Variants in GRIA2 observed in about 807,000 individuals in gnomAD.
The protein encoded by GRIA2 is glutamate receptor 2.
A neutral mutation model predicts 97.3 loss-of-function variants in GRIA2; 14 were observed. The ratio of observed to expected loss-of-function variants is 0.14; its 90% CI spans 0.10 to 0.23. GRIA2 has a LOEUF of 0.23. Among genes scored for constraint, GRIA2 ranks in the 10% least tolerant of loss-of-function variants. The probability of loss-of-function intolerance (pLI) is 1.00; values close to 1 mark genes in which losing one functional copy is unlikely to be tolerated. For synonymous variants in GRIA2, 412 were observed against 387.8 expected (o/e 1.06, Z -0.73); for missense variants, 558 against 1,069.8 (o/e 0.52, Z 6.67).
chr4:157,311,522 A>G (rs1450723081), intron 3 of GRIA2, among the ~76,000 whole-genome samples: 2 of 152,018 alleles, frequency 1.3e-5, no homozygotes, highest in African/African-American at 4.8e-5. Flanking sequence ...CTTTTTTGAA[A>G]TAGTTTTCAA....
At chr4:157,322,673 T>A (rs1412479906) in intron 6 of GRIA2, among the ~76,000 whole-genome samples, 1 of 152,164 alleles carries the variant, frequency 6.6e-6, no homozygotes, top group Non-Finnish European at 1.5e-5. Flanking sequence ...GGGTTGAAAG[T>A]TAAGATGATG....
intron 2 of GRIA2, among the ~76,000 whole-genome samples, chr4:157,245,308 A>G (rs780076736): frequency 4.6e-4 from 70 of 152,006 alleles, no homozygotes; most frequent in Non-Finnish European, 8.4e-4. Context: ...ATCTTTGTCT[A>G]TGGAATGAAC....
chr4:157,302,128 G>A (rs191323911), intron 2 of GRIA2, among the ~76,000 whole-genome samples: 9 of 147,682 alleles, frequency 6.1e-5, no homozygotes, highest in Admixed American at 4.8e-4. Context: ...AGGTGAGATC[G>A]CACCACTGCA....
At position 157,266,747 on chromosome 4, in the gene GRIA2, C is replaced by T. The variant is rs77108157; in HGVS notation, c.230-36805C>T. Among the ~76,000 whole-genome samples the T allele has an allele frequency of 4.8e-3, 727 of 151,914 alleles. 3 individuals are homozygous for T. Among genetic ancestry groups the T allele is most frequent in the African/African-American group, 0.016 (683 of 41,428 alleles). ...AGGTTGTTCTATCTTTTGAGAGACT[C>T]GAACAAGAGAAGGAATCAGTTAAAA... On this transcript the variant is annotated intron_variant, in intron 2 of 15. Coordinates refer to ENST00000264426, the MANE Select transcript of GRIA2 (RefSeq NM_001083619.3).
intron 2 of GRIA2, among the ~76,000 whole-genome samples, chr4:157,289,682 A>C (rs1733007142): frequency 6.6e-6 from 1 of 151,866 alleles, no homozygotes; most frequent in African/African-American, 2.4e-5. Flanking sequence ...CAATTAATAA[A>C]GTTTCTTGAT....
intron 2 of GRIA2, among the ~76,000 whole-genome samples, chr4:157,264,087 A>G (rs1176309665): frequency 6.6e-6 from 1 of 152,134 alleles, no homozygotes; most frequent in Non-Finnish European, 1.5e-5. Flanking sequence ...CCACTTCTGC[A>G]GATGTATCAT....
intron 2 of GRIA2, among the ~76,000 whole-genome samples, chr4:157,225,023 G>C (rs973673488): frequency 2.6e-5 from 4 of 151,962 alleles, no homozygotes; most frequent in Admixed American, 1.3e-4. Context: ...AACTTCAAAA[G>C]GGAAAATTTA....
At chr4:157,269,467 AC>A (rs1375554915) in intron 2 of GRIA2, among the ~76,000 whole-genome samples, 1 of 152,064 alleles carries the variant, frequency 6.6e-6, no homozygotes, top group Non-Finnish European at 1.5e-5. Flanking sequence ...AAATTAGTAA[AC>A]GTACCTCTGA....
In GRIA2 at chr4:157,221,614, T is replaced by C; in HGVS notation, c.89-53T>C. On this transcript the variant is annotated intron_variant, in intron 1 of 15. Coordinates refer to ENST00000264426, the MANE Select transcript of GRIA2 (RefSeq NM_001083619.3). ...TTGGGCGCTAGCGCGCGCCCCTCCT[T>C]TCCCTCCCGGGGCACTGACACTGTT... 2.5e-6 allele frequency: 4 copies of C among 1,586,162 alleles called. No homozygotes were observed. In the Admixed American group the frequency reaches 5.3e-5, roughly 21 times the overall value.
Position 157,225,591 on chromosome 4 carries a change from A to T in GRIA2, c.229+3784A>T, listed in dbSNP as rs142053424. ...TTAGTGAGTGCCTTCAAGGTGTCAG[A>T]GAATAAATGACTGCTTTTTTTCATG... is the stretch of plus-strand genomic sequence containing the variant. On this transcript the variant is annotated intron_variant, in intron 2 of 15. Coordinates refer to ENST00000264426, the MANE Select transcript of GRIA2 (RefSeq NM_001083619.3). Among the ~76,000 whole-genome samples, 836 of 151,418 alleles carry T rather than the reference A, an allele frequency of 5.5e-3. 28 individuals are homozygous for T. The highest frequency in any genetic ancestry group is 0.051 in the Admixed American group (780 of 15,168).
At chr4:157,319,887 T>A (rs1734484509) in intron 5 of GRIA2, among the ~76,000 whole-genome samples, 1 of 152,032 alleles carries the variant, frequency 6.6e-6, no homozygotes, top group Non-Finnish European at 1.5e-5. Flanking sequence ...GATGAAGAAG[T>A]GGTCATAAGG....
intron 2 of GRIA2, among the ~76,000 whole-genome samples, chr4:157,236,395 TTTC>T (rs2126705654): frequency 6.6e-6 from 1 of 152,258 alleles, no homozygotes; most frequent in East Asian, 1.9e-4. Context: ...TCTTGATTGT[TTTC>T]TTCTTAACAT....
chr4:157,316,557 C>T (rs1320198226), intron 4 of GRIA2, among the ~76,000 whole-genome samples: 1 of 151,932 alleles, frequency 6.6e-6, no homozygotes, highest in Non-Finnish European at 1.5e-5. Context: ...AGTGGTGGAG[C>T]TTTCCAAGCA....
chr4:157,274,398 G>T (rs1732181757), intron 2 of GRIA2, among the ~76,000 whole-genome samples: 1 of 149,236 alleles, frequency 6.7e-6, no homozygotes, highest in Non-Finnish European at 1.5e-5. Context: ...TTAAGTTTTA[G>T]GGTACATGTG....
chr4:157,248,938 A>G (rs1293927192), intron 2 of GRIA2, among the ~76,000 whole-genome samples: 2 of 151,658 alleles, frequency 1.3e-5, no homozygotes, highest in African/African-American at 4.8e-5. Flanking sequence ...CCTGGAATCA[A>G]GCAATCCTCT....
intron 2 of GRIA2, among the ~76,000 whole-genome samples, chr4:157,301,824 A>C (rs1294416852): frequency 1.3e-5 from 2 of 152,178 alleles, no homozygotes; most frequent in African/African-American, 4.8e-5. Context: ...ACTGGTTTCC[A>C]GTTTTTGGAT....
rs201108786 is a variant in GRIA2, at chr4:157,221,660, T to C, written c.89-7T>C. The stretch of plus-strand genomic sequence containing the variant: ...CTGTTCTCTTGCTTGCTGTTTGTTC[T>C]TTGCAGGGGGGCTATTTCCTAGGGG... On this transcript the variant is annotated splice_polypyrimidine_tract_variant and splice_region_variant and intron_variant, in intron 1 of 15. Transcript: ENST00000264426. The C allele has an allele frequency of 2.4e-5, 38 of 1,613,732 alleles. No individual in the cohort carries two copies. In the South Asian group the frequency reaches 3.8e-4, roughly 16 times the overall value.
chr4:157,317,600 T>G (rs973610638), intron 4 of GRIA2, 58 bp from the exon 5 acceptor site: 4 of 705,548 alleles, frequency 5.7e-6, no homozygotes, highest in African/African-American at 5.4e-5. Context: ...ATAATACCAT[T>G]AATTTTACAC....
intron 2 of GRIA2, among the ~76,000 whole-genome samples, chr4:157,271,898 A>G (rs1490572509): frequency 6.6e-6 from 1 of 152,114 alleles, no homozygotes; most frequent in Non-Finnish European, 1.5e-5. Context: ...GACCAAATGT[A>G]TATTTCACAG....
Sources: gnomAD v4.1 joint callset for allele counts (sites outside exome capture counted in the v4.1 genomes callset) on GRCh38, gnomAD v4.1.1 for gene constraint, MANE v1.5 for transcripts, NCBI Gene and HGNC (gene_info 2026-07-23, HGNC 2026-07-21) for gene names.